The following KCNJ13 variants were observed in gnomAD, a reference collection of about 807,000 sequenced individuals.
KCNJ13 encodes potassium inwardly rectifying channel subfamily J member 13.
Under a neutral mutation model 24.6 loss-of-function variants are expected in KCNJ13, and 9 were observed. The ratio of observed to expected loss-of-function variants is 0.37; its 90% confidence interval spans 0.22 to 0.64. The LOEUF is 0.64. KCNJ13 is among the 30% of genes least tolerant of loss of function. The pLI is 0.64. For synonymous variants in KCNJ13, 148 were observed against 154.7 expected (o/e 0.96, Z 0.32); for missense variants, 337 against 443.8 (o/e 0.76, Z 2.16).
Position 232,776,551 on chromosome 2 carries a change from T to G in KCNJ13, c.-123A>C. On this transcript the variant is annotated 5_prime_UTR_variant, in exon 1 of 3. Coordinates refer to ENST00000233826, the MANE Select transcript of KCNJ13 (RefSeq NM_002242.4). ...TTAATCTACAAGTCTAGTTTGTAGG[T>G]TCTCTTCTTGGACTGGTTTTACAGC... 1.2e-6 allele frequency: 1 copy of G among 856,112 alleles called. No individual in the cohort carries two copies. Among genetic ancestry groups the G allele is most frequent in the Non-Finnish European group, 2.0e-6 (1 of 511,662 alleles). The allele number at this position is 856,112 out of a possible 1,614,324, so 53.0% of individuals were successfully genotyped here.
rs1195012032 is a variant in KCNJ13, at chr2:232,767,455, T to C, written c.*736A>G. On this transcript the variant is annotated 3_prime_UTR_variant, in exon 3 of 3. Coordinates refer to ENST00000233826, the MANE Select transcript of KCNJ13 (RefSeq NM_002242.4). The stretch of plus-strand genomic sequence containing the variant: ...GTTTGATTATTATGGAGGACAGTTT[T>C]AAAATAAAATTTTGCGTCTCCTTGC... 1 of 152,646 alleles carries C rather than the reference T, an allele frequency of 6.6e-6. No individual in the cohort carries two copies. Among genetic ancestry groups the C allele is most frequent in the African/African-American group, 2.4e-5 (1 of 41,452 alleles). 9.5% of individuals were successfully genotyped at this position (152,646 alleles called of 1,614,324 possible). A position where few individuals can be genotyped will look rare whatever the true frequency, so the allele number is the denominator to read the frequency against.
Position 232,776,542 on chromosome 2 carries a change from G to T in KCNJ13, c.-114C>A. 1.1e-6 allele frequency: 1 copy of T among 884,590 alleles called. No individual in the cohort carries two copies. 54.8% of individuals were successfully genotyped at this position (884,590 alleles called of 1,614,324 possible). ...CAGATAATTTTAATCTACAAGTCTA[G>T]TTTGTAGGTTCTCTTCTTGGACTGG... On this transcript the variant is annotated 5_prime_UTR_variant, in exon 1 of 3. Coordinates refer to ENST00000233826, the MANE Select transcript of KCNJ13 (RefSeq NM_002242.4).
Position 232,770,932 on chromosome 2 carries a change from A to G in KCNJ13, c.431T>C (p.Leu144Pro), listed in dbSNP as rs1361858388. The part of the protein sequence containing the change: ...AIALLAIQML[L>P]GLMLEAFITG... ...GATAAAAGCCTCTAGCATGAGGCCT[A>G]GGAGCATTTGTATGGCAAGTAAGGC... The change falls in exon 2 of 3, where the codon CTA becomes CCA. Residue 144 changes from leucine (L) to proline (P), a missense_variant. Coordinates refer to ENST00000233826, the MANE Select transcript of KCNJ13 (RefSeq NM_002242.4). 1.2e-6 allele frequency: 2 copies of G among 1,613,868 alleles called. No individual in the cohort carries two copies. The highest frequency in any genetic ancestry group is 1.7e-5 in the Admixed American group (1 of 59,998).
In KCNJ13 at chr2:232,770,970, A is replaced by C; in HGVS notation, c.393T>G (p.Cys131Trp). The change falls in exon 2 of 3, where the codon TGT (cysteine) becomes TGG (tryptophan). Residue 131 changes from cysteine (C) to tryptophan (W), a missense_variant. Transcript: ENST00000233826. Reference sequence around the variant, plus strand: ...TGGCAAGTAAGGCGATTGCACTTGGACAGTCACCACTGGGGAACATGGTAC... The same window carrying C: ...TGGCAAGTAAGGCGATTGCACTTGGCCAGTCACCACTGGGGAACATGGTAC... ...GYGTMFPSGD[C>W]PSAIALLAIQ... The C allele has an allele frequency of 6.2e-7, 1 of 1,614,048 alleles. No individual in the cohort carries two copies. Among genetic ancestry groups the C allele is most frequent in the Non-Finnish European group, 8.5e-7 (1 of 1,179,960 alleles).
In KCNJ13 at chr2:232,768,461, A is replaced by G. The variant is rs1461444332; in HGVS notation, c.813T>C (p.Leu271=). 6.2e-7 allele frequency: 1 copy of G among 1,614,062 alleles called. No homozygotes were observed. Among genetic ancestry groups the G allele is most frequent in the African/African-American group, 1.3e-5 (1 of 74,934 alleles). The change falls in exon 3 of 3, where the codon CTT becomes CTC. Residue 271 remains leucine (L), a synonymous_variant. Coordinates refer to ENST00000233826, the MANE Select transcript of KCNJ13 (RefSeq NM_002242.4). ...CTCCAGTGCCCTCCTGCATTGCTGA[A>G]AGGAATACAACTAATTCAAAGTGAG... ...NPSHFELVVF[L]SAMQEGTGEI...
chr2:232,773,747 G>A (rs969812833), intron 1 of KCNJ13, among the ~76,000 whole-genome samples: 1 of 151,888 alleles, frequency 6.6e-6, no homozygotes, highest in Admixed American at 6.6e-5. Context: ...AAACTGATGT[G>A]AAGCCAGTGG....
At chr2:232,774,483 T>A (rs764180469) in intron 1 of KCNJ13, among the ~76,000 whole-genome samples, 5 of 152,210 alleles carry the variant, frequency 3.3e-5, no homozygotes, top group Non-Finnish European at 5.9e-5. Context: ...AGTTATGACA[T>A]AACATTGCCA....
chr2:232,771,503 T>C (rs555846450), intron 1 of KCNJ13, 125 bp from the exon 2 acceptor site: 1 of 591,684 alleles, frequency 1.7e-6, no homozygotes, highest in Middle Eastern at 4.5e-4. Context: ...GCCAACTCTC[T>C]CGCTTTTCTC....
chr2:232,768,076 C>A lies in KCNJ13; in HGVS notation c.*115G>T. On this transcript the variant is annotated 3_prime_UTR_variant, in exon 3 of 3. Coordinates refer to ENST00000233826, the MANE Select transcript of KCNJ13 (RefSeq NM_002242.4). ...TCTTATGTAGGCATAGGCATGATTA[C>A]CGTGATGTAGAGAGCTATAATTAGC... 4.0e-6 allele frequency: 4 copies of A among 998,642 alleles called. No homozygotes were observed. The highest frequency in any genetic ancestry group is 2.8e-5 in the South Asian group (2 of 72,162). The allele number at this position is 998,642 out of a possible 1,614,324, so 61.9% of individuals were successfully genotyped here.
Position 232,771,366 on chromosome 2 carries a change from A to G in KCNJ13, c.-4T>C. 2 of 1,600,692 alleles carry G rather than the reference A, an allele frequency of 1.2e-6. No homozygotes were observed. The highest frequency in any genetic ancestry group is 1.7e-6 in the Non-Finnish European group (2 of 1,168,596). Reference sequence around the variant, plus strand: ...CTTTGCAATTACTGCTGTCCATCTCAGGCTGTATTTCTCTAAAATCAAGAG... The same window carrying G: ...CTTTGCAATTACTGCTGTCCATCTCGGGCTGTATTTCTCTAAAATCAAGAG... On this transcript the variant is annotated 5_prime_UTR_variant, in exon 2 of 3. Coordinates refer to ENST00000233826, the MANE Select transcript of KCNJ13 (RefSeq NM_002242.4).
At position 232,776,483 on chromosome 2, in the gene KCNJ13, T is replaced by G; in HGVS notation, c.-55A>C. On this transcript the variant is annotated 5_prime_UTR_variant, in exon 1 of 3. Coordinates refer to ENST00000233826, the MANE Select transcript of KCNJ13 (RefSeq NM_002242.4). The stretch of plus-strand genomic sequence containing the variant: ...GGGTCAGCCTTTATGCCAAGGTAGG[T>G]CTTAAGGAAATTTACAGAGTCTGCC... The G allele has an allele frequency of 6.5e-7, 1 of 1,541,214 alleles. No individual in the cohort carries two copies. Among genetic ancestry groups the G allele is most frequent in the South Asian group, 1.1e-5 (1 of 87,788 alleles).
rs1699227974 is a variant in KCNJ13 at position 232,771,131 on chromosome 2, G to C, written c.232C>G (p.Leu78Val). 6.2e-7 allele frequency: 1 copy of C among 1,614,088 alleles called. No homozygotes were observed. The highest frequency in any genetic ancestry group is 8.5e-7 in the Non-Finnish European group (1 of 1,180,020). ...TCCAGATCACCATTCATCTCAGCCAGAACATACCAGAGCACTGCAAAGACA... is the reference window on the plus strand; with the variant it reads ...TCCAGATCACCATTCATCTCAGCCACAACATACCAGAGCACTGCAAAGACA... ...WLVFAVLWYV[L>V]AEMNGDLELD... The change falls in exon 2 of 3, where the codon CTG becomes GTG. Residue 78 changes from leucine to valine, a missense_variant. Transcript: ENST00000233826.
In KCNJ13 at chr2:232,768,272, T is replaced by G. The variant is rs1699058872; in HGVS notation, c.1002A>C (p.Pro334=). ...EFPTPLVSKS[P]NRTDLDIHIN... ...TGTGGATATCCAGGTCAGTCCTGTT[T>G]GGGCTTTTAGAAACCAGAGGAGTTG... is the stretch of plus-strand genomic sequence containing the variant. The change falls in exon 3 of 3, where the codon CCA becomes CCC. Residue 334 remains proline, a synonymous_variant. Coordinates refer to ENST00000233826, the MANE Select transcript of KCNJ13 (RefSeq NM_002242.4). 6.2e-7 allele frequency: 1 copy of G among 1,614,056 alleles called. No homozygotes were observed. Among genetic ancestry groups the G allele is most frequent in the Non-Finnish European group, 8.5e-7 (1 of 1,179,988 alleles).
rs1341231891 is a variant in KCNJ13 at position 232,767,348 on chromosome 2, A to G, written c.*843T>C. The G allele has an allele frequency of 1.3e-5, 2 of 152,192 alleles. No homozygotes were observed. Among genetic ancestry groups the G allele is most frequent in the Non-Finnish European group, 2.9e-5 (2 of 68,016 alleles). The allele number at this position is 152,192 out of a possible 1,614,324, so 9.4% of individuals were successfully genotyped here. Reference sequence around the variant, plus strand: ...GTATTTATGAATTAGAGCCATCATGATGTTTTATATGATCAAATGAATCAT... The same window carrying G: ...GTATTTATGAATTAGAGCCATCATGGTGTTTTATATGATCAAATGAATCAT... On this transcript the variant is annotated 3_prime_UTR_variant, in exon 3 of 3. Transcript: ENST00000233826.
rs1699195592 is a variant in KCNJ13, at chr2:232,770,566, ATGAT to A, written c.460+333_460+336del. Among the ~76,000 whole-genome samples the A allele has an allele frequency of 2.0e-5, 3 of 151,832 alleles. No individual in the cohort carries two copies. In the South Asian group the frequency reaches 6.3e-4, roughly 32 times the overall value. The stretch of plus-strand genomic sequence containing the variant: ...TGTATTTATTTATGTATTTGACAAA[ATGAT>A]TAGCTTCAGTGAAAACCTCCTTTTA... On this transcript the variant is annotated intron_variant, in intron 2 of 2. Transcript: ENST00000233826.
chr2:232,768,830 T>C lies in KCNJ13; in HGVS notation c.461-17A>G. ...CAAAAGCACCTAAATAAGAAATTAT[T>C]GATTTTTTTTTAGAATGAAGACTTT... On this transcript the variant is annotated splice_polypyrimidine_tract_variant and intron_variant, in intron 2 of 2. Transcript: ENST00000233826. The C allele has an allele frequency of 6.3e-7, 1 of 1,595,968 alleles. No individual in the cohort carries two copies. The highest frequency in any genetic ancestry group is 8.6e-7 in the Non-Finnish European group (1 of 1,169,112).
In KCNJ13 at chr2:232,767,576, G is replaced by A. The variant is rs139337791; in HGVS notation, c.*615C>T. Reference sequence around the variant, plus strand: ...TGAACATATATGTATGTGTTCGGGTGTCATGTTCAAATGCTTTTAGGTTTA... The same window carrying A: ...TGAACATATATGTATGTGTTCGGGTATCATGTTCAAATGCTTTTAGGTTTA... On this transcript the variant is annotated 3_prime_UTR_variant, in exon 3 of 3. Transcript: ENST00000233826. 5.3e-4 allele frequency: 82 copies of A among 155,082 alleles called. No homozygotes were observed. Among genetic ancestry groups the A allele is most frequent in the Non-Finnish European group, 8.3e-4 (58 of 69,762 alleles). 9.6% of individuals were successfully genotyped at this position (155,082 alleles called of 1,614,324 possible).
At position 232,767,698 on chromosome 2, in the gene KCNJ13, G is replaced by T; in HGVS notation, c.*493C>A. Reference sequence around the variant, plus strand: ...ACTTACTCAAGTTTCATAGTATAAAGAACCAAATGAATGATCTTTGTTGTC... The same window carrying T: ...ACTTACTCAAGTTTCATAGTATAAATAACCAAATGAATGATCTTTGTTGTC... On this transcript the variant is annotated 3_prime_UTR_variant, in exon 3 of 3. Coordinates refer to ENST00000233826, the MANE Select transcript of KCNJ13 (RefSeq NM_002242.4). 6.0e-6 allele frequency: 1 copy of T among 165,884 alleles called. No homozygotes were observed. The highest frequency in any genetic ancestry group is 1.6e-4 in the South Asian group (1 of 6,264). The allele number at this position is 165,884 out of a possible 1,614,324, so 10.3% of individuals were successfully genotyped here. A position where few individuals can be genotyped will look rare whatever the true frequency, so the allele number is the denominator to read the frequency against.
At chr2:232,769,116 C>T (rs1358961417) in intron 2 of KCNJ13, among the ~76,000 whole-genome samples, 1 of 152,082 alleles carries the variant, frequency 6.6e-6, no homozygotes, top group African/African-American at 2.4e-5. Context: ...TCCTATATTC[C>T]TGCCTGTGCT....
Sources: gnomAD v4.1 joint callset for allele counts (sites outside exome capture counted in the v4.1 genomes callset) on GRCh38, gnomAD v4.1.1 for gene constraint, MANE v1.5 for transcripts, NCBI Gene and HGNC (gene_info 2026-07-23, HGNC 2026-07-21) for gene names.